Variants in C14orf93 observed in about 807,000 individuals in gnomAD.
C14orf93 encodes the protein uncharacterized protein C14orf93.
A neutral mutation model predicts 44.0 loss-of-function variants in C14orf93; 23 were observed. The ratio of observed to expected loss-of-function variants is 0.52; its 90% CI spans 0.38 to 0.74. C14orf93 has a LOEUF of 0.74. Among genes scored for constraint, C14orf93 ranks in the 30% least tolerant of loss-of-function variants. The pLI, the probability that C14orf93 is intolerant of heterozygous loss-of-function variation, is 0.00. For missense variants in C14orf93, 579 were observed against 678.9 expected, an observed-to-expected ratio of 0.85 and a Z score of 1.64; for synonymous variants, 253 against 265.7, an observed-to-expected ratio of 0.95 and a Z score of 0.46.
chr14:23,001,839 TAAAAAAAAAAA>T (rs780256403), intron 1 of C14orf93, among the ~76,000 whole-genome samples: 7 of 59,586 alleles, frequency 1.2e-4, no homozygotes, highest in South Asian at 7.4e-4. Context: ...TACTGCAGGT[TAAAAAAAAAAA>T]AAAAAAAAAA....
chr14:23,002,083 A>G (rs1334917229), intron 1 of C14orf93, among the ~76,000 whole-genome samples: 29 of 148,720 alleles, frequency 1.9e-4, no homozygotes, highest in Admixed American at 4.1e-4. Flanking sequence ...CGGGAGGCGG[A>G]GCTTGCAGTG....
At position 22,987,959 on chromosome 14, in the gene C14orf93, G is replaced by C. The variant is rs1378373775; in HGVS notation, c.1141C>G (p.Pro381Ala). 6.2e-7 allele frequency: 1 copy of C among 1,613,950 alleles called. No homozygotes were observed. The highest frequency in any genetic ancestry group is 1.7e-5 in the Admixed American group (1 of 59,990). The part of the protein sequence containing the change: ...KRREYRNSLN[P>A]FKGLKEKEEK... ...TCTTTTTCCTTCAGGCCTTTAAAGG[G>C]GTTCAGGGAGTTGCGGTACTCACGC... Residue 381 changes from proline (P) to alanine (A), a missense_variant, in exon 6 of 7, where the codon CCC becomes GCC. Coordinates refer to ENST00000299088, the MANE Select transcript of C14orf93 (RefSeq NM_021944.4). The surrounding 1 kb of genome is among the most constrained non-coding windows in gnomAD (Gnocchi z 5.6).
chr14:22,990,552 C>A (rs2045541913), intron 3 of C14orf93, among the ~76,000 whole-genome samples: 1 of 151,778 alleles, frequency 6.6e-6, no homozygotes, highest in African/African-American at 2.4e-5. Flanking sequence ...TCACTGCAAC[C>A]TCTGCCTCCC....
At chr14:22,992,549 ATATT>A (rs568110834) in intron 3 of C14orf93, among the ~76,000 whole-genome samples, 3 of 150,492 alleles carry the variant, frequency 2.0e-5, no homozygotes, top group East Asian at 1.9e-4. Context: ...AGCACCTAAA[ATATT>A]TATTTATTTA....
chr14:22,987,672 A>G lies in C14orf93; in HGVS notation c.1198-38T>C, dbSNP rs1177465562. The stretch of plus-strand genomic sequence containing the variant: ...CCCAGGAGATAGATTAGGAAGGTAA[A>G]CATTCTATGGATTAGATTTGGGGAA... On this transcript the variant is annotated intron_variant, in intron 6 of 6. Transcript: ENST00000299088. This position sits in a 1 kb window ranked among gnomAD's most constrained non-coding sequence, Gnocchi z 5.6. The G allele has an allele frequency of 1.3e-6, 2 of 1,531,744 alleles. No homozygotes were observed. The highest frequency in any genetic ancestry group is 8.8e-7 in the Non-Finnish European group (1 of 1,141,804). The allele number at this position is 1,531,744 out of a possible 1,614,324, so 94.9% of individuals were successfully genotyped here.
In C14orf93 at chr14:22,987,257, G is replaced by A. The variant is rs1566662897; in HGVS notation, c.1575C>T (p.Asp525=). The A allele has an allele frequency of 6.2e-7, 1 of 1,614,206 alleles. No homozygotes were observed. The highest frequency in any genetic ancestry group is 8.5e-7 in the Non-Finnish European group (1 of 1,180,014). ...FDQPHKTCCP[D]LNSFIEIKVE... Reference sequence around the variant, plus strand: ...CCTTGATTTCAATGAATGAGTTCAAGTCAGGACAGCAGGTTTTGTGGGGTT... The same window carrying A: ...CCTTGATTTCAATGAATGAGTTCAAATCAGGACAGCAGGTTTTGTGGGGTT... Residue 525 remains aspartate (D), a synonymous_variant, in exon 7 of 7, where the codon GAC becomes GAT. Coordinates refer to ENST00000299088, the MANE Select transcript of C14orf93 (RefSeq NM_021944.4). This position sits in a 1 kb window ranked among gnomAD's most constrained non-coding sequence, Gnocchi z 5.6.
Position 22,989,996 on chromosome 14 carries a change from G to A in C14orf93, c.980+70C>T. The A allele has an allele frequency of 2.0e-6, 3 of 1,477,888 alleles. No homozygotes were observed. The East Asian group carries it at 6.8e-5, about 33-fold the overall frequency. The allele number at this position is 1,477,888 out of a possible 1,614,324, so 91.5% of individuals were successfully genotyped here. A position where few individuals can be genotyped will look rare whatever the true frequency, so the allele number is the denominator to read the frequency against. ...AAGCCTTAGTCTCATTGCTGTATTG[G>A]AGCATCCCCCTCTACTTCCCTGTCC... On this transcript the variant is annotated intron_variant, in intron 4 of 6. Coordinates refer to ENST00000299088, the MANE Select transcript of C14orf93 (RefSeq NM_021944.4).
At chr14:23,008,781 C>G (rs1362754553) in intron 1 of C14orf93, among the ~76,000 whole-genome samples, 2 of 152,230 alleles carry the variant, frequency 1.3e-5, no homozygotes, top group South Asian at 2.1e-4. Flanking sequence ...AAATGAGAAG[C>G]TTTCCATTCT....
chr14:22,993,068 C>T (rs979002758), intron 3 of C14orf93, among the ~76,000 whole-genome samples: 9 of 151,626 alleles, frequency 5.9e-5, no homozygotes, highest in South Asian at 2.1e-4. Context: ...TTAGTAGAGA[C>T]GTGGTTTCAC....
chr14:22,990,217 T>G (rs1055169948), intron 3 of C14orf93, 90 bp from the exon 4 acceptor site: 1 of 1,108,990 alleles, frequency 9.0e-7, no homozygotes, highest in Non-Finnish European at 1.3e-6. Context: ...GTATTGTCCC[T>G]AAGGGGCTCT....
intron 1 of C14orf93, among the ~76,000 whole-genome samples, chr14:23,003,060 A>C (rs1257815101): frequency 3.3e-5 from 5 of 152,210 alleles, no homozygotes; most frequent in African/African-American, 1.2e-4. Flanking sequence ...GTCTCAGACT[A>C]AGGATAATAT....
chr14:22,999,797 C>T (rs1471492274), intron 1 of C14orf93, among the ~76,000 whole-genome samples: 1 of 152,172 alleles, frequency 6.6e-6, no homozygotes, highest in Non-Finnish European at 1.5e-5. Context: ...ATAAGGAATA[C>T]ATCCATCACT....
At chr14:23,000,437 C>T (rs904883991) in intron 1 of C14orf93, among the ~76,000 whole-genome samples, 2 of 151,962 alleles carry the variant, frequency 1.3e-5, no homozygotes, top group African/African-American at 2.4e-5. Flanking sequence ...GAGGAGGAGC[C>T]GGGCATGGTG....
At position 23,003,882 on chromosome 14, in the gene C14orf93, ATATATATATATATATATTTTTTTTTTT is replaced by A. The variant is rs2046455066; in HGVS notation, c.-379-4507_-379-4481del. 2.1e-4 allele frequency among the ~76,000 whole-genome samples: 3 copies of A among 14,288 alleles called. 1 individual carries two copies. The highest frequency in any genetic ancestry group is 6.9e-4 in the African/African-American group (2 of 2,908). 9.4% of individuals were successfully genotyped at this position (14,288 alleles called of 152,430 possible). A position where few individuals can be genotyped will look rare whatever the true frequency, so the allele number is the denominator to read the frequency against. ...CATATATATATATATATATATATAT[ATATATATATATATATATTTTTTTTTTT>A]TTTTTTTTTTTTTTTTTTGAGACAG... On this transcript the variant is annotated intron_variant, in intron 1 of 6. Coordinates refer to ENST00000299088, the MANE Select transcript of C14orf93 (RefSeq NM_021944.4).
intron 5 of C14orf93, among the ~76,000 whole-genome samples, chr14:22,988,933 A>G (rs1313599489): frequency 2.0e-5 from 3 of 152,150 alleles, no homozygotes; most frequent in Non-Finnish European, 2.9e-5. Context: ...ATTTAAAAAA[A>G]AATTTAAAAA....
At chr14:23,007,982 G>T (rs992730442) in intron 1 of C14orf93, among the ~76,000 whole-genome samples, 1 of 151,818 alleles carries the variant, frequency 6.6e-6, no homozygotes. Context: ...GTGAAACCCC[G>T]TCTCTACTAA....
At chr14:22,997,444 G>A (rs561577502) in intron 2 of C14orf93, among the ~76,000 whole-genome samples, 1 of 152,266 alleles carries the variant, frequency 6.6e-6, no homozygotes, top group Admixed American at 6.5e-5. Context: ...AAAAAGAGAG[G>A]ACAGACGGAG....
intron 3 of C14orf93, among the ~76,000 whole-genome samples, chr14:22,992,920 T>C (rs1286147524): frequency 7.3e-5 from 11 of 151,244 alleles, no homozygotes; most frequent in African/African-American, 2.7e-4. Flanking sequence ...TGCTCTGTTG[T>C]CCAGGCTAGA....
Position 22,990,141 on chromosome 14 carries a change from A to T in C14orf93, c.919-14T>A. 2 of 1,607,436 alleles carry T rather than the reference A, an allele frequency of 1.2e-6. No homozygotes were observed. Among genetic ancestry groups the T allele is most frequent in the South Asian group, 2.2e-5 (2 of 90,422 alleles). ...GTGGACCAGTTTCTAGGAGGAAAAA[A>T]AGAAAACACAATCAAGCCAAGAGTG... is the stretch of plus-strand genomic sequence containing the variant. On this transcript the variant is annotated splice_polypyrimidine_tract_variant and intron_variant, in intron 3 of 6. Transcript: ENST00000299088.
Sources: gnomAD v4.1 joint callset for allele counts (sites outside exome capture counted in the v4.1 genomes callset) on GRCh38, gnomAD v4.1.1 for gene constraint, Gnocchi (gnomAD v3.1) non-coding constraint, MANE v1.5 for transcripts, NCBI Gene and HGNC (gene_info 2026-07-23, HGNC 2026-07-21) for gene names.